XPO4: variants seen among roughly 807,000 people sequenced by gnomAD.
The protein encoded by XPO4 is exportin-4.
A neutral mutation model predicts 143.0 loss-of-function variants in XPO4; 39 were observed. The ratio of observed to expected loss-of-function variants is 0.27; its 90% CI spans 0.21 to 0.36. XPO4 has a LOEUF of 0.36. Among genes scored for constraint, XPO4 ranks in the 10% least tolerant of loss-of-function variants. The pLI, the probability that XPO4 is intolerant of heterozygous loss-of-function variation, is 1.00. For synonymous variants in XPO4, 439 were observed against 474.0 expected (o/e 0.93, Z 0.96); for missense variants, 907 against 1,348.0 (o/e 0.67, Z 5.12).
At chr13:20,852,433 G>A (rs1010136933) in intron 4 of XPO4, 17 of 985,198 alleles carry the variant, frequency 1.7e-5, no homozygotes, top group Admixed American at 1.2e-4. Context: ...CCAGGCTATC[G>A]ATGATGACCA....
At chr13:20,885,410 A>G (rs909827990) in intron 1 of XPO4, among the ~76,000 whole-genome samples, 5 of 152,234 alleles carry the variant, frequency 3.3e-5, no homozygotes, top group Admixed American at 3.3e-4. Flanking sequence ...CTATGGAATG[A>G]GAAACAAAAG....
intron 9 of XPO4, 43 bp downstream of exon 9, chr13:20,821,661 C>T: frequency 6.4e-7 from 1 of 1,563,346 alleles, no homozygotes; most frequent in Non-Finnish European, 8.7e-7. Flanking sequence ...CCGCAAATTT[C>T]CTTGTGAAAA....
At chr13:20,817,680 A>G (rs764278826) in intron 9 of XPO4, among the ~76,000 whole-genome samples, 3 of 152,248 alleles carry the variant, frequency 2.0e-5, no homozygotes. Context: ...GAAACAAACT[A>G]GAGTATACAG....
chr13:20,800,057 T>C lies in XPO4; in HGVS notation c.2147+99A>G, dbSNP rs1595066861. ...TAGGCTCTATCTGGAATTAGGACCG[T>C]GTAACCATTTGCCAGTTCAAAGGAC... is the stretch of plus-strand genomic sequence containing the variant. On this transcript the variant is annotated intron_variant, in intron 15 of 22. Coordinates refer to ENST00000255305, the MANE Select transcript of XPO4 (RefSeq NM_022459.5). 6.5e-6 allele frequency: 9 copies of C among 1,377,552 alleles called. No individual in the cohort carries two copies. The East Asian group carries it at 1.4e-4, about 22-fold the overall frequency. 85.3% of individuals were successfully genotyped at this position (1,377,552 alleles called of 1,614,324 possible).
At chr13:20,849,659 A>C (rs1269848261) in intron 4 of XPO4, 1 of 984,840 alleles carries the variant, frequency 1.0e-6, no homozygotes, top group East Asian at 1.1e-4. Flanking sequence ...TTTAATAATC[A>C]TACAGGCATA....
chr13:20,799,349 G>T lies in XPO4; in HGVS notation c.2148-10C>A. 2 of 1,609,640 alleles carry T rather than the reference G, an allele frequency of 1.2e-6. No homozygotes were observed. The highest frequency in any genetic ancestry group is 2.2e-5 in the South Asian group (2 of 90,606). On this transcript the variant is annotated splice_polypyrimidine_tract_variant and intron_variant, in intron 15 of 22. Transcript: ENST00000255305. ...AATTACTAAGTTTGCCCTACAGGTA[G>T]AAATAACAAAACATAAGATGTATTA... is the stretch of plus-strand genomic sequence containing the variant.
rs897741829 is a variant in XPO4 at position 20,822,143 on chromosome 13, A to G, written c.987T>C (p.Asn329=). The stretch of plus-strand genomic sequence containing the variant: ...GCAAGTATACCTACCCATTGATAGT[A>G]TTCAGTAATCCCTCAATGAAGTGTG... ...YLAHFIEGLL[N]TINGIEIEDS... The change falls in exon 8 of 23, where the codon AAT becomes AAC. Residue 329 remains asparagine, a synonymous_variant. Transcript: ENST00000255305. The G allele has an allele frequency of 1.9e-6, 3 of 1,612,432 alleles. No individual in the cohort carries two copies. In the African/African-American group the frequency reaches 4.0e-5, roughly 22 times the overall value.
At position 20,781,339 on chromosome 13, in the gene XPO4, G is replaced by A. The variant is rs2059140629; in HGVS notation, c.*2383C>T. 6.6e-6 allele frequency: 1 copy of A among 152,496 alleles called. No homozygotes were observed. The highest frequency in any genetic ancestry group is 2.1e-4 in the South Asian group (1 of 4,824). 9.4% of individuals were successfully genotyped at this position (152,496 alleles called of 1,614,324 possible). A position where few individuals can be genotyped will look rare whatever the true frequency, so the allele number is the denominator to read the frequency against. ...ATAAGCATCCAATCAGGCAAACATG[G>A]ACACAACCACCCTGAAAAGGTCTAG... On this transcript the variant is annotated 3_prime_UTR_variant, in exon 23 of 23. Transcript: ENST00000255305.
intron 1 of XPO4, among the ~76,000 whole-genome samples, chr13:20,874,195 C>T (rs544909687): frequency 3.5e-4 from 53 of 152,188 alleles, no homozygotes; most frequent in Non-Finnish European, 4.9e-4. Context: ...GCTTACTATA[C>T]ATATCATTTA....
chr13:20,894,812 C>A (rs920735825), intron 1 of XPO4, among the ~76,000 whole-genome samples: 6 of 151,010 alleles, frequency 4.0e-5, no homozygotes, highest in Non-Finnish European at 8.8e-5. Flanking sequence ...CCATTGCACT[C>A]CAGCCTGGGC....
At chr13:20,819,279 C>T (rs2059688799) in intron 9 of XPO4, among the ~76,000 whole-genome samples, 1 of 152,246 alleles carries the variant, frequency 6.6e-6, no homozygotes, top group African/African-American at 2.4e-5. Context: ...ACTGTGCAGT[C>T]TCCCTCAAAA....
chr13:20,837,737 C>T (rs2059932613), intron 6 of XPO4, among the ~76,000 whole-genome samples: 1 of 152,098 alleles, frequency 6.6e-6, no homozygotes, highest in South Asian at 2.1e-4. Context: ...GAGCAAGTCC[C>T]GTCTTACATG....
chr13:20,790,422 T>C, intron 19 of XPO4, 40 bp downstream of exon 19: 1 of 1,463,442 alleles, frequency 6.8e-7, no homozygotes, highest in Non-Finnish European at 9.6e-7. Context: ...GAACTTCAGT[T>C]ACACATAGTG....
intron 1 of XPO4, among the ~76,000 whole-genome samples, chr13:20,899,138 C>T (rs1331181817): frequency 6.6e-6 from 1 of 152,092 alleles, no homozygotes; most frequent in East Asian, 1.9e-4. Context: ...TATCAATGCA[C>T]GGTTGATGTC....
chr13:20,788,407 T>A, intron 20 of XPO4, 79 bp downstream of exon 20: 1 of 1,541,000 alleles, frequency 6.5e-7, no homozygotes, highest in South Asian at 1.2e-5. Context: ...ATGAAAAATG[T>A]AAACTTAAAA....
chr13:20,832,721 C>A (rs935567890), intron 6 of XPO4, among the ~76,000 whole-genome samples: 4 of 152,140 alleles, frequency 2.6e-5, no homozygotes, highest in African/African-American at 7.2e-5. Context: ...GAACCAACAA[C>A]CCCAGTCTTA....
At position 20,843,830 on chromosome 13, in the gene XPO4, A is replaced by G; in HGVS notation, c.513T>C (p.Ser171=). Residue 171 remains serine, a synonymous_variant, in exon 5 of 23, where the codon AGT becomes AGC. Transcript: ENST00000255305. The part of the protein sequence containing the change: ...TALLSEFSSS[S]KTSNIGLSME... Reference sequence around the variant, plus strand: ...TGCTCAATCCAATGTTGCTAGTTTTACTTGAACTTGAAAATTCACTCAATA... The same window carrying G: ...TGCTCAATCCAATGTTGCTAGTTTTGCTTGAACTTGAAAATTCACTCAATA... 6.2e-7 allele frequency: 1 copy of G among 1,613,490 alleles called. No homozygotes were observed. The highest frequency in any genetic ancestry group is 8.5e-7 in the Non-Finnish European group (1 of 1,179,814).
At chr13:20,854,742 A>T (rs1007154320) in intron 4 of XPO4, among the ~76,000 whole-genome samples, 1 of 152,170 alleles carries the variant, frequency 6.6e-6, no homozygotes, top group Non-Finnish European at 1.5e-5. Flanking sequence ...GAGTGATTAC[A>T]ACCAAACAGC....
intron 2 of XPO4, chr13:20,866,260 A>C (rs2060244206): frequency 4.1e-6 from 4 of 984,850 alleles, no homozygotes; most frequent in Non-Finnish European, 3.6e-6. Context: ...CACACAGAAA[A>C]GAGCAAAGAA....
Sources: allele counts gnomAD v4.1 joint callset (sites outside exome capture counted in the v4.1 genomes callset), GRCh38; gene constraint gnomAD v4.1.1; transcripts MANE v1.5; gene names NCBI Gene and HGNC (gene_info 2026-07-23, HGNC 2026-07-21).